The following PDK1 variants were observed in gnomAD, a reference collection of about 807,000 sequenced individuals.
The protein encoded by PDK1 is [Pyruvate dehydrogenase (acetyl-transferring)] kinase isozyme 1, mitochondrial.
In PDK1, 39 loss-of-function variants were observed where a neutral mutation model predicts 54.2. That is an observed-to-expected ratio of 0.72 (90% CI 0.56 to 0.94). The LOEUF (loss-of-function observed/expected upper bound fraction) is 0.94, where lower values mean the gene tolerates loss of function less well. Ranked by LOEUF, PDK1 falls within the 40% of genes least tolerant of loss-of-function variation. The pLI, the probability that PDK1 is intolerant of heterozygous loss-of-function variation, is 0.00. For synonymous variants in PDK1, 221 were observed against 207.1 expected (o/e 1.07, Z -0.58); for missense variants, 552 against 566.0 (o/e 0.98, Z 0.25).
At chr2:172,671,476 C>A in the PDK1 span, among the ~76,000 whole-genome samples, 1 of 149,038 alleles carries the variant, frequency 6.7e-6, no homozygotes. Flanking sequence ...TTTTTTTAAG[C>A]TCTTAATATA....
chr2:172,663,188 A>G, the PDK1 span, among the ~76,000 whole-genome samples: 101 of 152,296 alleles, frequency 6.6e-4, 1 homozygote, highest in South Asian at 0.013. Context: ...GGACTTGTAG[A>G]TGACCAGTTT....
At chr2:172,688,631 A>C in the PDK1 span, among the ~76,000 whole-genome samples, 2 of 152,214 alleles carry the variant, frequency 1.3e-5, no homozygotes, top group Admixed American at 1.3e-4. Context: ...AGGGAGCAGG[A>C]AGAGGCAGAA....
intron 8 of PDK1, among the ~76,000 whole-genome samples, chr2:172,574,841 A>G (rs1399824943): frequency 6.6e-6 from 1 of 152,200 alleles, no homozygotes; most frequent in Non-Finnish European, 1.5e-5. Flanking sequence ...AGAATTTTCT[A>G]TATAAATGAT....
the PDK1 span, among the ~76,000 whole-genome samples, chr2:172,646,536 C>T: frequency 6.6e-6 from 1 of 151,718 alleles, no homozygotes; most frequent in Non-Finnish European, 1.5e-5. Flanking sequence ...GATGCAGTTG[C>T]TTCAGGTAGA....
chr2:172,592,381 T>TTC (rs1001100921), intron 9 of PDK1, among the ~76,000 whole-genome samples: 1 of 151,306 alleles, frequency 6.6e-6, no homozygotes, highest in Admixed American at 6.6e-5. Context: ...GTGTCTCTCT[T>TTC]TCTCTCTCTC....
At chr2:172,650,544 G>T in the PDK1 span, among the ~76,000 whole-genome samples, 1 of 151,918 alleles carries the variant, frequency 6.6e-6, no homozygotes, top group Non-Finnish European at 1.5e-5. Context: ...CTGGCAAATT[G>T]GATAGTCAAA....
chr2:172,668,942 GAGA>G, the PDK1 span, among the ~76,000 whole-genome samples: 11 of 147,238 alleles, frequency 7.5e-5, no homozygotes, highest in East Asian at 7.9e-4. Flanking sequence ...GAGAGAGAAA[GAGA>G]GAGAGACGGA....
At chr2:172,595,407 A>T (rs1394700063) in intron 10 of PDK1, among the ~76,000 whole-genome samples, 1 of 152,156 alleles carries the variant, frequency 6.6e-6, no homozygotes, top group Non-Finnish European at 1.5e-5. Context: ...GACTATGCTG[A>T]AAAAAACACT....
chr2:172,556,516 C>G lies in PDK1; in HGVS notation c.196+170C>G, dbSNP rs1393151913. The G allele has an allele frequency of 3.2e-5, 15 of 465,746 alleles. 1 individual carries two copies. The South Asian group carries it at 5.5e-4, about 17-fold the overall frequency. 28.9% of individuals were successfully genotyped at this position (465,746 alleles called of 1,614,324 possible). On this transcript the variant is annotated intron_variant, in intron 1 of 10. Transcript: ENST00000282077. ...TGCTTCCTTCCTCCCTCCGAAGTGC[C>G]GGCGCTGGCTGGCGGCGTAAATAAC...
chr2:172,695,137 G>A, the PDK1 span, among the ~76,000 whole-genome samples: 2 of 152,012 alleles, frequency 1.3e-5, no homozygotes, highest in African/African-American at 2.4e-5. Flanking sequence ...AACAAAAAAA[G>A]TTTAGCGATG....
the PDK1 span, among the ~76,000 whole-genome samples, chr2:172,697,790 G>C: frequency 0.053 from 8,097 of 152,120 alleles, 395 homozygotes; most frequent in East Asian, 0.22. Context: ...GAAGATACTG[G>C]CCCAGATCAA....
chr2:172,559,347 A>T (rs78279758), intron 2 of PDK1, among the ~76,000 whole-genome samples: 5,748 of 152,228 alleles, frequency 0.038, 262 homozygotes, highest in East Asian at 0.21. Flanking sequence ...CAACTTCTTG[A>T]TTTTGAGAAA....
chr2:172,642,380 G>A, the PDK1 span, among the ~76,000 whole-genome samples: 5 of 152,242 alleles, frequency 3.3e-5, no homozygotes, highest in Admixed American at 3.3e-4. Flanking sequence ...CAGTTATAGA[G>A]GAAGCTGAGC....
At chr2:172,713,817 C>T in the PDK1 span, among the ~76,000 whole-genome samples, 138 of 152,216 alleles carry the variant, frequency 9.1e-4, no homozygotes, top group Non-Finnish European at 1.3e-3. Context: ...GTGTGGATCC[C>T]GTCTGTTCCC....
At chr2:172,565,097 C>T (rs770357642) in intron 5 of PDK1, 24 bp downstream of exon 5, 2 of 1,322,966 alleles carry the variant, frequency 1.5e-6, no homozygotes, top group South Asian at 2.5e-5. Flanking sequence ...TTTCTCCTTG[C>T]AAAAAAAGAT....
intron 8 of PDK1, 99 bp downstream of exon 8, chr2:172,570,923 C>T: frequency 1.5e-6 from 1 of 668,766 alleles, no homozygotes; most frequent in Non-Finnish European, 2.6e-6. Flanking sequence ...AAGACATAAT[C>T]TACTCTCAGG....
chr2:172,621,935 ATC>A, the PDK1 span, among the ~76,000 whole-genome samples: 3 of 148,654 alleles, frequency 2.0e-5, no homozygotes, highest in South Asian at 6.3e-4. Context: ...ATATGTTTAT[ATC>A]TCATATATGT....
the PDK1 span, among the ~76,000 whole-genome samples, chr2:172,646,683 C>T: frequency 7.1e-6 from 1 of 139,872 alleles, no homozygotes; most frequent in Admixed American, 7.4e-5. Context: ...TTCTTAGGCT[C>T]TGTCCCCAGA....
chr2:172,616,803 G>A, the PDK1 span, among the ~76,000 whole-genome samples: 20 of 152,212 alleles, frequency 1.3e-4, no homozygotes, highest in Admixed American at 7.8e-4. Flanking sequence ...GCTAGTAGTA[G>A]GACTGACAGT....
Sources: gnomAD v4.1 joint callset for allele counts (sites outside exome capture counted in the v4.1 genomes callset) on GRCh38, gnomAD v4.1.1 for gene constraint, MANE v1.5 for transcripts, NCBI Gene and HGNC (gene_info 2026-07-23, HGNC 2026-07-21) for gene names.